GALNT9: variants seen among roughly 807,000 people sequenced by gnomAD.
GALNT9 encodes the protein polypeptide N-acetylgalactosaminyltransferase 9.
In GALNT9, 47 loss-of-function variants were observed where a neutral mutation model predicts 63.1. The ratio of observed to expected loss-of-function variants is 0.75; its 90% CI spans 0.59 to 0.95. GALNT9 has a LOEUF of 0.95. Ranked by LOEUF, GALNT9 falls within the 40% of genes least tolerant of loss-of-function variation. The pLI is 0.00. For missense variants in GALNT9, 829 were observed against 874.8 expected (o/e 0.95, Z 0.66); for synonymous variants, 396 against 365.7 (o/e 1.08, Z -0.94).
At chr12:132,308,323 G>A (rs1012027182) in intron 1 of GALNT9, among the ~76,000 whole-genome samples, 7 of 152,338 alleles carry the variant, frequency 4.6e-5, no homozygotes, top group South Asian at 2.1e-4. Context: ...AGGCTGCCCC[G>A]TCTGTGGTGA....
intron 6 of GALNT9, among the ~76,000 whole-genome samples, chr12:132,213,205 C>T (rs1163301347): frequency 2.5e-5 from 1 of 39,814 alleles, no homozygotes; most frequent in Non-Finnish European, 5.6e-5. Flanking sequence ...GACCTCGACA[C>T]GGAAACCCCA....
intron 1 of GALNT9, among the ~76,000 whole-genome samples, chr12:132,325,579 T>C (rs1555246464): frequency 6.6e-6 from 1 of 152,194 alleles, no homozygotes; most frequent in Non-Finnish European, 1.5e-5. Flanking sequence ...CCTTCTGCTT[T>C]TTTAATGTAA....
intron 4 of GALNT9, among the ~76,000 whole-genome samples, chr12:132,258,341 C>T (rs1412869652): frequency 6.6e-6 from 1 of 152,212 alleles, no homozygotes; most frequent in Non-Finnish European, 1.5e-5. Context: ...ACGCCCTGTT[C>T]CCACAAATTG....
At chr12:132,295,254 C>A (rs560009281) in intron 1 of GALNT9, among the ~76,000 whole-genome samples, 1 of 152,370 alleles carries the variant, frequency 6.6e-6, no homozygotes, top group East Asian at 1.9e-4. Flanking sequence ...AGCCCCATGC[C>A]GGGCACCATG....
rs28461280 is a variant in GALNT9 at position 132,327,133 on chromosome 12, G to A, written c.238+1833C>T. ...GGCAGACAGATGGCAGGGGCCGTTC[G>A]GAGAAAGGCTGACAAGGGAGGACAG... is the stretch of plus-strand genomic sequence containing the variant. On this transcript the variant is annotated intron_variant, in intron 1 of 10. Transcript: ENST00000328957. This position sits in a 1 kb window ranked among gnomAD's most constrained non-coding sequence, Gnocchi z 4.3. Among the ~76,000 whole-genome samples the A allele has an allele frequency of 1.3e-5, 2 of 151,848 alleles. No homozygotes were observed. Among genetic ancestry groups the A allele is most frequent in the South Asian group, 2.1e-4 (1 of 4,794 alleles).
chr12:132,236,362 T>G lies in GALNT9; in HGVS notation c.1077+11548A>C, dbSNP rs1555236326. 6.6e-6 allele frequency among the ~76,000 whole-genome samples: 1 copy of G among 151,922 alleles called. No homozygotes were observed. Among genetic ancestry groups the G allele is most frequent in the African/African-American group, 2.4e-5 (1 of 41,342 alleles). ...CACATCCAGTGTGGGGGCTGCGGGC[T>G]CCAGGCCTGGTGTCTCTGGAGGGGG... On this transcript the variant is annotated intron_variant, in intron 6 of 10. Transcript: ENST00000328957. This position sits in a 1 kb window ranked among gnomAD's most constrained non-coding sequence, Gnocchi z 5.6.
chr12:132,302,455 A>G (rs555248457), intron 1 of GALNT9, among the ~76,000 whole-genome samples: 1 of 152,234 alleles, frequency 6.6e-6, no homozygotes, highest in Non-Finnish European at 1.5e-5. Context: ...CTTCATAAAC[A>G]TAACTTTGAT....
chr12:132,303,020 A>G (rs1593115087), intron 1 of GALNT9, among the ~76,000 whole-genome samples: 2 of 152,180 alleles, frequency 1.3e-5, no homozygotes, highest in South Asian at 2.1e-4. Context: ...TGCTCCGATC[A>G]GCCCTGGGGT....
chr12:132,226,948 AC>A (rs1877718106), intron 6 of GALNT9, among the ~76,000 whole-genome samples: 1 of 145,480 alleles, frequency 6.9e-6, no homozygotes, highest in Admixed American at 6.8e-5. Context: ...CACCCCACAT[AC>A]ACCCCATACA....
At chr12:132,239,308 A>G (rs1878124477) in intron 6 of GALNT9, among the ~76,000 whole-genome samples, 1 of 86,834 alleles carries the variant, frequency 1.2e-5, no homozygotes, top group African/African-American at 8.7e-5. Context: ...AGAGAGACAC[A>G]CACTGAGAGA....
At chr12:132,262,382 G>A (rs1461926100) in intron 3 of GALNT9, 77 bp downstream of exon 3, 1 of 1,486,572 alleles carries the variant, frequency 6.7e-7, no homozygotes, top group Non-Finnish European at 9.0e-7. Flanking sequence ...TGCCCCCGGA[G>A]GCTCCACCCA....
In GALNT9 at chr12:132,196,939, G is replaced by A; in HGVS notation, c.*168C>T. ...GAGAAGCTGTACTCCAGATGCAGTG[G>A]GTGACACCCTGGTCACTCAGCCACA... On this transcript the variant is annotated 3_prime_UTR_variant, in exon 11 of 11. Transcript: ENST00000328957. 7 of 1,453,414 alleles carry A rather than the reference G, an allele frequency of 4.8e-6. No homozygotes were observed. Among genetic ancestry groups the A allele is most frequent in the Admixed American group, 2.6e-5 (1 of 38,934 alleles). 90.0% of individuals were successfully genotyped at this position (1,453,414 alleles called of 1,614,324 possible). A position where few individuals can be genotyped will look rare whatever the true frequency, so the allele number is the denominator to read the frequency against.
At chr12:132,227,548 T>G (rs1877740356) in intron 6 of GALNT9, among the ~76,000 whole-genome samples, 2 of 152,210 alleles carry the variant, frequency 1.3e-5, no homozygotes, top group African/African-American at 4.8e-5. Context: ...GATTTTTATT[T>G]TGTTCTAGTT....
intron 2 of GALNT9, among the ~76,000 whole-genome samples, chr12:132,264,216 C>A (rs760966893): frequency 9.2e-5 from 14 of 152,372 alleles, no homozygotes; most frequent in Non-Finnish European, 1.5e-4. Context: ...GGCCTCCCTG[C>A]AAGCTCATGG....
At position 132,282,906 on chromosome 12, in the gene GALNT9, A is replaced by G. The variant is rs1485967343; in HGVS notation, c.419+3344T>C. The G allele has an allele frequency of 1.3e-5, 2 of 152,240 alleles. No individual in the cohort carries two copies. Among genetic ancestry groups the G allele is most frequent in the East Asian group, 3.9e-4 (2 of 5,182 alleles). The allele number at this position is 152,240 out of a possible 1,614,324, so 9.4% of individuals were successfully genotyped here. On this transcript the variant is annotated intron_variant, in intron 2 of 10. Transcript: ENST00000328957. This position sits in a 1 kb window ranked among gnomAD's most constrained non-coding sequence, Gnocchi z 4.5. ...ACGACCGTCTGTGACACGCAGGCCC[A>G]CGTCTGTGCTAGAAAAGCCACCCCT...
At chr12:132,229,276 A>T (rs2135525349) in intron 6 of GALNT9, among the ~76,000 whole-genome samples, 1 of 152,116 alleles carries the variant, frequency 6.6e-6, no homozygotes, top group South Asian at 2.1e-4. Context: ...CCCACGCCCC[A>T]TCTCGCCCTG....
At chr12:132,302,779 G>C (rs560047155) in intron 1 of GALNT9, among the ~76,000 whole-genome samples, 1 of 152,232 alleles carries the variant, frequency 6.6e-6, no homozygotes, top group African/African-American at 2.4e-5. Flanking sequence ...GAGTGGCTGC[G>C]CATGCAGGTC....
intron 7 of GALNT9, 65 bp downstream of exon 7, chr12:132,203,440 C>A: frequency 6.5e-7 from 1 of 1,535,492 alleles, no homozygotes. Flanking sequence ...TCCGGCCCAG[C>A]CCTGCCGTGG....
At chr12:132,287,589 C>T (rs562614681) in intron 1 of GALNT9, among the ~76,000 whole-genome samples, 103 of 152,250 alleles carry the variant, frequency 6.8e-4, no homozygotes, top group Non-Finnish European at 6.8e-4. Context: ...TGGCCGCCGG[C>T]GTGAGGTTCA....
Sources: allele counts gnomAD v4.1 joint callset (sites outside exome capture counted in the v4.1 genomes callset), GRCh38; gene constraint gnomAD v4.1.1; non-coding constraint Gnocchi (gnomAD v3.1); transcripts MANE v1.5; gene names NCBI Gene and HGNC (gene_info 2026-07-23, HGNC 2026-07-21).